The following SLC12A9 variants were observed in gnomAD, a reference collection of about 807,000 sequenced individuals.
SLC12A9 encodes the protein CCC-interacting protein 1.
In SLC12A9, 55 loss-of-function variants were observed where a neutral mutation model predicts 66.0. That is an observed-to-expected ratio of 0.83 (90% CI 0.67 to 1.04). SLC12A9 has a LOEUF of 1.04. SLC12A9 is among the 50% of genes least tolerant of loss of function. SLC12A9 has a pLI of 0.00. For synonymous variants in SLC12A9, 577 were observed against 569.0 expected (o/e 1.01, Z -0.20); for missense variants, 1,061 against 1,241.9 (o/e 0.85, Z 2.19).
chr7:100,854,721 A>G lies in SLC12A9; in HGVS notation c.283A>G (p.Thr95Ala). ...LTVLSVCAIA[T>A]NGAVQGGGAY... Reference sequence around the variant, plus strand: ...CGTCCTCTCTGTCTGTGCCATCGCCACCAATGGAGCCGTGCAGGGGGGCGG... The same window carrying G: ...CGTCCTCTCTGTCTGTGCCATCGCCGCCAATGGAGCCGTGCAGGGGGGCGG... Residue 95 changes from threonine to alanine, a missense_variant, in exon 3 of 14, where the codon ACC becomes GCC. By Grantham distance (58) the Thr-to-Ala change is moderately conservative. Transcript: ENST00000354161. 1 of 1,613,932 alleles carries G rather than the reference A, an allele frequency of 6.2e-7. No homozygotes were observed. The highest frequency in any genetic ancestry group is 8.5e-7 in the Non-Finnish European group (1 of 1,179,984).
intron 9 of SLC12A9, chr7:100,860,448 G>A (rs1814677690): frequency 3.5e-6 from 2 of 574,454 alleles, no homozygotes; most frequent in South Asian, 2.2e-5. Context: ...ACCCTGGGAG[G>A]TTCACTGGCA....
chr7:100,830,428 C>G (rs1438604955), intron 1 of SLC12A9, among the ~76,000 whole-genome samples: 1 of 152,002 alleles, frequency 6.6e-6, no homozygotes, highest in Non-Finnish European at 1.5e-5. Flanking sequence ...AATGCCAGCA[C>G]TTTTGGAGGC....
intron 13 of SLC12A9, among the ~76,000 whole-genome samples, chr7:100,863,107 C>A (rs1181708265): frequency 6.6e-6 from 1 of 150,718 alleles, no homozygotes; most frequent in East Asian, 1.9e-4. Flanking sequence ...CTGTCTTGCC[C>A]AGGCTGGAGT....
At chr7:100,865,674 G>C (rs767784119) in intron 13 of SLC12A9, 45 bp from the exon 14 acceptor site, 1 of 1,568,350 alleles carries the variant, frequency 6.4e-7, no homozygotes, top group African/African-American at 1.4e-5. Flanking sequence ...CTTAGCCTGT[G>C]AGCCTGACTC....
chr7:100,834,190 G>C (rs1813597927), intron 1 of SLC12A9, among the ~76,000 whole-genome samples: 2 of 152,122 alleles, frequency 1.3e-5, no homozygotes, highest in Non-Finnish European at 2.9e-5. Flanking sequence ...ATGAGTCCTA[G>C]AGATTGGCAG....
rs1346072718 is a variant in SLC12A9, at chr7:100,854,388, T to G, written c.181+10T>G. On this transcript the variant is annotated intron_variant, in intron 2 of 13. Coordinates refer to ENST00000354161, the MANE Select transcript of SLC12A9 (RefSeq NM_020246.4). Reference sequence around the variant, plus strand: ...GTTTTTCTGAGGATTGGTGAGTGGGTCCTGGGGCGGGTGTGGACTGACTAT... The same window carrying G: ...GTTTTTCTGAGGATTGGTGAGTGGGGCCTGGGGCGGGTGTGGACTGACTAT... 12 of 1,612,376 alleles carry G rather than the reference T, an allele frequency of 7.4e-6. No individual in the cohort carries two copies. The highest frequency in any genetic ancestry group is 9.3e-6 in the Non-Finnish European group (11 of 1,179,610).
At chr7:100,829,910 C>G (rs1813509946) in intron 1 of SLC12A9, among the ~76,000 whole-genome samples, 1 of 151,880 alleles carries the variant, frequency 6.6e-6, no homozygotes, top group Admixed American at 6.6e-5. Flanking sequence ...CACCTGTAGT[C>G]CCAGCTACTA....
At chr7:100,827,754 G>A (rs1210679418) in intron 1 of SLC12A9, among the ~76,000 whole-genome samples, 3 of 152,206 alleles carry the variant, frequency 2.0e-5, no homozygotes, top group Non-Finnish European at 2.9e-5. Flanking sequence ...CCGCCCAGAT[G>A]TGCGCCGTGG....
At chr7:100,854,780 G>T in intron 3 of SLC12A9, 26 bp downstream of exon 3, 1 of 1,613,068 alleles carries the variant, frequency 6.2e-7, no homozygotes, top group Non-Finnish European at 8.5e-7. Context: ...GATGGACTGG[G>T]GTCTGGCCTG....
intron 12 of SLC12A9, 76 bp from the exon 13 acceptor site, chr7:100,862,605 C>T (rs942900125): frequency 7.2e-5 from 113 of 1,561,508 alleles, no homozygotes; most frequent in Middle Eastern, 1.8e-4. Context: ...TGCCCAGGCC[C>T]GTCTGTGATT....
At chr7:100,835,484 T>C (rs1451053574) in intron 1 of SLC12A9, among the ~76,000 whole-genome samples, 1 of 150,944 alleles carries the variant, frequency 6.6e-6, no homozygotes, top group Non-Finnish European at 1.5e-5. Flanking sequence ...ACCCCGTCTC[T>C]ACTAAAAATA....
At chr7:100,830,996 GACCAA>G (rs1302741823) in intron 1 of SLC12A9, among the ~76,000 whole-genome samples, 1 of 152,028 alleles carries the variant, frequency 6.6e-6, no homozygotes, top group East Asian at 1.9e-4. Flanking sequence ...CTGTTCTGCA[GACCAA>G]ACCAAACTCA....
intron 1 of SLC12A9, among the ~76,000 whole-genome samples, chr7:100,846,440 G>A (rs1485871898): frequency 3.3e-5 from 5 of 152,006 alleles, no homozygotes; most frequent in African/African-American, 7.2e-5. Context: ...GGTGGCGGGC[G>A]CCTGTAGTCC....
chr7:100,851,808 G>GAAAAAAAAAAAAAAAAAAAAAAAAAA (rs1814091790), upstream of SLC12A9, among the ~76,000 whole-genome samples: 1 of 108,608 alleles, frequency 9.2e-6, no homozygotes. Context: ...AAAAAAAAAG[G>GAAAAAAAAAAAAAAAAAAAAAAAAAA]AAATGTATCT....
intron 4 of SLC12A9, chr7:100,856,512 CTTCTTTT>C: frequency 1.0e-5 from 1 of 99,742 alleles, no homozygotes; most frequent in Non-Finnish European, 2.2e-5. Flanking sequence ...CCTGCCCCTT[CTTCTTTT>C]TTTTTTTTTT....
intron 1 of SLC12A9, among the ~76,000 whole-genome samples, chr7:100,839,843 C>T (rs1219554658): frequency 6.6e-6 from 1 of 151,992 alleles, no homozygotes; most frequent in Admixed American, 6.5e-5. Flanking sequence ...GAGATCGAGA[C>T]CATCCTGGCT....
At chr7:100,862,966 A>T in intron 13 of SLC12A9, 139 bp downstream of exon 13, 1 of 1,021,778 alleles carries the variant, frequency 9.8e-7, no homozygotes, top group South Asian at 1.5e-5. Flanking sequence ...ACAGTGCTCA[A>T]AGATAATAGC....
At chr7:100,846,545 C>G (rs939423668) in intron 1 of SLC12A9, among the ~76,000 whole-genome samples, 1 of 150,452 alleles carries the variant, frequency 6.6e-6, no homozygotes, top group Non-Finnish European at 1.5e-5. Context: ...CTAGCCTGGG[C>G]GACAAAGTGA....
intron 13 of SLC12A9, chr7:100,865,359 G>A (rs1584712410): frequency 1.3e-6 from 2 of 1,535,922 alleles, no homozygotes; most frequent in African/African-American, 2.7e-5. Flanking sequence ...TTGCACAACA[G>A]AGTCAAACTC....
Sources: gnomAD v4.1 joint callset for allele counts (sites outside exome capture counted in the v4.1 genomes callset) on GRCh38, gnomAD v4.1.1 for gene constraint, MANE v1.5 for transcripts, NCBI Gene and HGNC (gene_info 2026-07-23, HGNC 2026-07-21) for gene names.